Variants in SPPL3 observed in about 807,000 individuals in gnomAD.
SPPL3 encodes the protein signal peptide peptidase-like 3.
In SPPL3, 5 loss-of-function variants were observed where a neutral mutation model predicts 42.4. The observed-to-expected ratio is 0.12, with a 90% CI of 0.06 to 0.25. The LOEUF is 0.25. Ranked by LOEUF, SPPL3 falls within the 10% of genes least tolerant of loss-of-function variation. SPPL3 has a pLI of 1.00. For missense variants in SPPL3, 235 were observed against 489.0 expected, an observed-to-expected ratio of 0.48 and a Z score of 4.90; for synonymous variants, 195 against 181.8, an observed-to-expected ratio of 1.07 and a Z score of -0.58.
At chr12:120,851,884 G>A (rs564024769) in intron 1 of SPPL3, among the ~76,000 whole-genome samples, 47 of 152,238 alleles carry the variant, frequency 3.1e-4, no homozygotes, top group African/African-American at 7.5e-4. Context: ...GATTACAGGC[G>A]TGAGCCACCG....
chr12:120,793,860 G>C lies in SPPL3; in HGVS notation c.102-2303C>G, dbSNP rs116144081. Among the ~76,000 whole-genome samples, 894 of 152,302 alleles carry C rather than the reference G, an allele frequency of 5.9e-3. 11 individuals carry two copies. Among genetic ancestry groups the C allele is most frequent in the African/African-American group, 0.02 (811 of 41,552 alleles). On this transcript the variant is annotated intron_variant, in intron 2 of 10. Transcript: ENST00000353487. ...ATTAGTAAATATTCCACATACACTT[G>C]AGAAAGAGCGTGTGTTCTGTTGTTG... is the stretch of plus-strand genomic sequence containing the variant.
intron 2 of SPPL3, among the ~76,000 whole-genome samples, chr12:120,799,444 G>A (rs1363716357): frequency 6.6e-6 from 1 of 152,152 alleles, no homozygotes. Context: ...GTAAGCTAGG[G>A]ATCTTCTGTA....
At chr12:120,788,501 T>C (rs1003848013) in intron 3 of SPPL3, among the ~76,000 whole-genome samples, 8 of 152,214 alleles carry the variant, frequency 5.3e-5, no homozygotes, top group Admixed American at 3.9e-4. Context: ...CATCTAACCC[T>C]CTGTTGAGTC....
chr12:120,781,779 C>G (rs186565569), intron 6 of SPPL3, among the ~76,000 whole-genome samples: 21 of 151,314 alleles, frequency 1.4e-4, no homozygotes, highest in African/African-American at 4.9e-4. Flanking sequence ...CGGGGTCTCA[C>G]CATTTTAGCC....
At chr12:120,865,280 T>C (rs548337189) in intron 1 of SPPL3, among the ~76,000 whole-genome samples, 2 of 152,330 alleles carry the variant, frequency 1.3e-5, no homozygotes, top group Admixed American at 6.5e-5. Context: ...CTCACGCTCA[T>C]AGCGAACTGT....
intron 1 of SPPL3, among the ~76,000 whole-genome samples, chr12:120,830,884 G>A (rs1042462567): frequency 6.6e-6 from 1 of 152,074 alleles, no homozygotes. Flanking sequence ...TGAGCTAAAG[G>A]ATGCCCAGCT....
chr12:120,789,716 C>T (rs902289010), intron 3 of SPPL3, among the ~76,000 whole-genome samples: 11 of 149,040 alleles, frequency 7.4e-5, no homozygotes, highest in Admixed American at 6.0e-4. Flanking sequence ...TCCCAGCTAC[C>T]CCAGGGGCTG....
intron 1 of SPPL3, 95 bp downstream of exon 1, chr12:120,903,750 G>A: frequency 2.9e-6 from 1 of 341,956 alleles, no homozygotes; most frequent in Non-Finnish European, 5.2e-6. Flanking sequence ...CCCACGACAC[G>A]CACCTGTTCT....
At chr12:120,797,715 A>T (rs1478400428) in intron 2 of SPPL3, among the ~76,000 whole-genome samples, 1 of 152,120 alleles carries the variant, frequency 6.6e-6, no homozygotes, top group Admixed American at 6.5e-5. Flanking sequence ...TTCTTTAGGA[A>T]AGCAGAGGAT....
chr12:120,770,771 A>ACTAT (rs1323721251), intron 6 of SPPL3, among the ~76,000 whole-genome samples: 1 of 151,996 alleles, frequency 6.6e-6, no homozygotes, highest in Admixed American at 6.5e-5. Context: ...GGCTCTTGAC[A>ACTAT]CTATCTATCT....
chr12:120,852,777 A>ACATATGATATATG lies in SPPL3; in HGVS notation c.24-41892_24-41891insCATATATCATATG, dbSNP rs1307530615. ...TATTATATCTATGTATATTATATAT[A>ACATATGATATATG]AAATATATTTCATATATCATATATA... On this transcript the variant is annotated intron_variant, in intron 1 of 10. Coordinates refer to ENST00000353487, the MANE Select transcript of SPPL3 (RefSeq NM_139015.5). 1.8e-3 allele frequency among the ~76,000 whole-genome samples: 250 copies of ACATATGATATATG among 136,844 alleles called. 11 individuals are homozygous for ACATATGATATATG. The highest frequency in any genetic ancestry group is 6.1e-3 in the South Asian group (27 of 4,398). The allele number at this position is 136,844 out of a possible 152,430, so 89.8% of individuals were successfully genotyped here.
At chr12:120,767,690 G>T in intron 8 of SPPL3, 97 bp from the exon 9 acceptor site, 1 of 1,226,642 alleles carries the variant, frequency 8.2e-7, no homozygotes, top group Non-Finnish European at 1.2e-6. Flanking sequence ...GAGTCAAAGA[G>T]CTTATCTGCA....
intron 1 of SPPL3, among the ~76,000 whole-genome samples, chr12:120,893,363 T>C (rs1439244656): frequency 6.6e-6 from 1 of 152,112 alleles, no homozygotes. Flanking sequence ...GGCAGGAGAA[T>C]GGCGTGAAAA....
chr12:120,833,680 A>AAG (rs146502200), intron 1 of SPPL3, among the ~76,000 whole-genome samples: 3 of 51,900 alleles, frequency 5.8e-5, no homozygotes, highest in East Asian at 6.6e-4. Flanking sequence ...AAAAAAAAAA[A>AAG]GAAAAAAAAA....
At chr12:120,892,186 C>T (rs554969800) in intron 1 of SPPL3, among the ~76,000 whole-genome samples, 1 of 152,272 alleles carries the variant, frequency 6.6e-6, no homozygotes, top group East Asian at 1.9e-4. Flanking sequence ...AATATTCATT[C>T]TTTTACAAAG....
rs546995880 is a variant in SPPL3, at chr12:120,784,747, C to T, written c.191-154G>A. Among the ~76,000 whole-genome samples, 6 of 152,210 alleles carry T rather than the reference C, an allele frequency of 3.9e-5. No homozygotes were observed. In the East Asian group the frequency reaches 5.8e-4, roughly 15 times the overall value. On this transcript the variant is annotated intron_variant, in intron 3 of 10. Coordinates refer to ENST00000353487, the MANE Select transcript of SPPL3 (RefSeq NM_139015.5). Reference sequence around the variant, plus strand: ...GGCCCTATGAGTCTTTCTTTCCCAACGAGATTATGAGCTCCTTGTTCTCTT... The same window carrying T: ...GGCCCTATGAGTCTTTCTTTCCCAATGAGATTATGAGCTCCTTGTTCTCTT...
At position 120,841,124 on chromosome 12, in the gene SPPL3, G is replaced by A. The variant is rs560581655; in HGVS notation, c.24-30238C>T. Among the ~76,000 whole-genome samples the A allele has an allele frequency of 4.2e-3, 642 of 151,972 alleles. 8 individuals are homozygous for A. Among genetic ancestry groups the A allele is most frequent in the South Asian group, 0.016 (75 of 4,794 alleles). On this transcript the variant is annotated intron_variant, in intron 1 of 10. Transcript: ENST00000353487. ...GTGGATCACCTGAGGTCAGCAGTTC[G>A]AGACCAGCCTGACCAACATGGAGAA...
chr12:120,873,691 G>T (rs1872995551), intron 1 of SPPL3, among the ~76,000 whole-genome samples: 1 of 152,034 alleles, frequency 6.6e-6, no homozygotes, highest in African/African-American at 2.4e-5. Flanking sequence ...TGACCAACAT[G>T]TGAAACCCCG....
Position 120,903,798 on chromosome 12 carries a change from G to A in SPPL3, c.23+47C>T, listed in dbSNP as rs1423827798. ...CCTCGGCGGGCCGCGCCGGCGCCCC[G>A]ACCCCCACCCTTGCCGCCTCCCGGC... On this transcript the variant is annotated intron_variant, in intron 1 of 10. Coordinates refer to ENST00000353487, the MANE Select transcript of SPPL3 (RefSeq NM_139015.5). 7 of 1,189,524 alleles carry A rather than the reference G, an allele frequency of 5.9e-6. No homozygotes were observed. In the African/African-American group the frequency reaches 1.1e-4, roughly 18 times the overall value. The allele number at this position is 1,189,524 out of a possible 1,614,324, so 73.7% of individuals were successfully genotyped here.
Sources: allele counts gnomAD v4.1 joint callset (sites outside exome capture counted in the v4.1 genomes callset), GRCh38; gene constraint gnomAD v4.1.1; transcripts MANE v1.5; gene names NCBI Gene and HGNC (gene_info 2026-07-23, HGNC 2026-07-21).